TAL1: variants seen among roughly 807,000 people sequenced by gnomAD.
TAL1 encodes the protein T-cell acute lymphocytic leukemia protein 1.
TAL1 carries 8 observed loss-of-function variants against 17.9 expected under a neutral mutation model. The observed-to-expected ratio is 0.45, with a 90% confidence interval of 0.26 to 0.81. The LOEUF is 0.81. Ranked by LOEUF, TAL1 falls within the 30% of genes least tolerant of loss-of-function variation. The probability of loss-of-function intolerance (pLI) is 0.17; values close to 1 mark genes in which losing one functional copy is unlikely to be tolerated. For synonymous variants in TAL1, 223 were observed against 218.6 expected (o/e 1.02, Z -0.18); for missense variants, 466 against 486.9 (o/e 0.96, Z 0.40).
intron 3 of TAL1, among the ~76,000 whole-genome samples, chr1:47,221,374 A>T (rs1307040415): frequency 2.0e-5 from 3 of 152,206 alleles, no homozygotes; most frequent in African/African-American, 7.2e-5. Flanking sequence ...CCCAATAGTC[A>T]CTAACATTCC....
chr1:47,230,694 G>A (rs137964333), upstream of TAL1: 8 of 152,256 alleles, frequency 5.3e-5, no homozygotes, highest in East Asian at 1.5e-3. Context: ...GAGCCAAAAG[G>A]GACAAACTGC....
At chr1:47,218,071 G>A (rs1645534625) in exon 4 of TAL1, 1 of 278,886 alleles carries the variant, frequency 3.6e-6, no homozygotes, top group South Asian at 1.7e-4. Context: ...GTGAGGACAA[G>A]CCACTAGGCT....
exon 2 of TAL1, chr1:47,225,694 G>C (rs920634129): frequency 7.0e-7 from 1 of 1,433,692 alleles, no homozygotes; most frequent in Admixed American, 3.0e-5. Flanking sequence ...CGCCCCCACC[G>C]GCAGGGCCGC....
chr1:47,225,962 T>TA, intron 1 of TAL1, 73 bp from the exon 3 acceptor site: 1 of 1,402,136 alleles, frequency 7.1e-7, no homozygotes, highest in Non-Finnish European at 9.3e-7. Context: ...TGGGCTGGGG[T>TA]AAAGGGGAGA....
chr1:47,230,137 G>T (rs189692032), upstream of TAL1: 2 of 150,804 alleles, frequency 1.3e-5, no homozygotes, highest in African/African-American at 4.9e-5. Context: ...CCACCCCTAC[G>T]AAATGATTTT....
chr1:47,225,885 T>C (rs1262918356), exon 2 of TAL1: 27 of 1,551,874 alleles, frequency 1.7e-5, no homozygotes, highest in Non-Finnish European at 2.3e-5. Context: ...GGCCGCTCGG[T>C]CATCCTGTGG....
chr1:47,222,634 C>A (rs568991591), intron 3 of TAL1, among the ~76,000 whole-genome samples: 1 of 152,126 alleles, frequency 6.6e-6, no homozygotes, highest in South Asian at 2.1e-4. Context: ...CCCTACCCTT[C>A]GCCTACATGT....
chr1:47,229,999 G>T (rs187630080), upstream of TAL1: 8 of 152,152 alleles, frequency 5.3e-5, no homozygotes, highest in East Asian at 1.5e-3. Context: ...GTCCTTTCTC[G>T]TCTCCCTACT....
chr1:47,229,765 C>T (rs929190467), exon 1 of TAL1: 2 of 152,288 alleles, frequency 1.3e-5, no homozygotes, highest in Non-Finnish European at 2.9e-5. Flanking sequence ...AAGGGATAGT[C>T]CCGGGCCTGG....
chr1:47,219,240 G>A, exon 4 of TAL1: 1 of 443,654 alleles, frequency 2.3e-6, no homozygotes, highest in Non-Finnish European at 4.2e-6. Flanking sequence ...GGGTGAAGAT[G>A]GGGCTCACGA....
chr1:47,228,980 G>C, intron 1 of TAL1: 1 of 169,448 alleles, frequency 5.9e-6, no homozygotes, highest in East Asian at 1.2e-4. Flanking sequence ...CAACTAGCTG[G>C]TTTTACCCTG....
At chr1:47,220,562 C>A (rs1198191254) in intron 3 of TAL1, among the ~76,000 whole-genome samples, 1 of 152,206 alleles carries the variant, frequency 6.6e-6, no homozygotes, top group Non-Finnish European at 1.5e-5. Flanking sequence ...TATTTGACTA[C>A]CCCTACCTAA....
chr1:47,225,650 G>T, exon 2 of TAL1: 1 of 1,386,988 alleles, frequency 7.2e-7, no homozygotes, highest in South Asian at 1.6e-5. Context: ...TTCGGCCGTC[G>T]CCGCGTCGCG....
At chr1:47,219,930 C>A in exon 4 of TAL1, 1 of 1,520,378 alleles carries the variant, frequency 6.6e-7, no homozygotes, top group Admixed American at 2.1e-5. Flanking sequence ...CACCAGCCCC[C>A]ACCACAGGGT....
chr1:47,224,746 A>T (rs914783829), intron 2 of TAL1, among the ~76,000 whole-genome samples: 3 of 151,326 alleles, frequency 2.0e-5, no homozygotes, highest in Admixed American at 6.6e-5. Flanking sequence ...ACTGCCCCAC[A>T]CTCTATCCCT....
chr1:47,224,495 C>A (rs762713992), intron 2 of TAL1, among the ~76,000 whole-genome samples: 1 of 152,122 alleles, frequency 6.6e-6, no homozygotes, highest in African/African-American at 2.4e-5. Context: ...CACACACCTC[C>A]ACTCCCAAAC....
At chr1:47,222,724 CCTGGTGTCCT>C (rs1363293122) in intron 3 of TAL1, among the ~76,000 whole-genome samples, 2 of 152,140 alleles carry the variant, frequency 1.3e-5, no homozygotes, top group Non-Finnish European at 2.9e-5. Context: ...GTCTACCCCT[CCTGGTGTCCT>C]CTGCCTCTCT....
In TAL1 at chr1:47,225,494, G is replaced by C. The variant is rs886951676; in HGVS notation, c.395C>G (p.Pro132Arg). ...GAGGCTGTAGAGCAGCGCGCGGCCG[G>C]GGGCGGCGGGGGCAGCCAGCGCGGG... The change falls in exon 2 of 4, where the codon CCC (proline) becomes CGC (arginine). Residue 132 changes from proline (P) to arginine (R), a missense_variant. Coordinates refer to ENST00000294339, the Ensembl canonical transcript of TAL1. 1.3e-4 allele frequency: 162 copies of C among 1,235,450 alleles called. No individual in the cohort carries two copies. The highest frequency in any genetic ancestry group is 9.3e-4 in the Middle Eastern group (3 of 3,216). 76.5% of individuals were successfully genotyped at this position (1,235,450 alleles called of 1,614,324 possible).
At chr1:47,230,555 TTAA>T (rs1207421804), upstream of TAL1, 1 of 151,832 alleles carries the variant, frequency 6.6e-6, no homozygotes, top group Admixed American at 6.6e-5. Context: ...TCGCTGGGGG[TTAA>T]TGTTTGCCTT....
Sources: allele counts gnomAD v4.1 joint callset (sites outside exome capture counted in the v4.1 genomes callset), GRCh38; gene constraint gnomAD v4.1.1; transcripts MANE v1.5; gene names NCBI Gene and HGNC (gene_info 2026-07-23, HGNC 2026-07-21).